Variants in EHHADH observed in about 807,000 individuals in gnomAD.
EHHADH encodes the protein peroxisomal bifunctional enzyme.
EHHADH carries 48 observed loss-of-function variants against 64.4 expected under a neutral mutation model. The ratio of observed to expected loss-of-function variants is 0.75; its 90% CI spans 0.59 to 0.95. The LOEUF (loss-of-function observed/expected upper bound fraction) is 0.95, where lower values mean the gene tolerates loss of function less well. Ranked by LOEUF, EHHADH falls within the 40% of genes least tolerant of loss-of-function variation. The probability of loss-of-function intolerance (pLI) is 0.00; values close to 1 mark genes in which losing one functional copy is unlikely to be tolerated. For synonymous variants in EHHADH, 308 were observed against 326.7 expected, an observed-to-expected ratio of 0.94 and a Z score of 0.62; for missense variants, 854 against 876.6, an observed-to-expected ratio of 0.97 and a Z score of 0.33.
intron 1 of EHHADH, among the ~76,000 whole-genome samples, chr3:185,251,708 G>T (rs1459990160): frequency 1.3e-5 from 2 of 151,766 alleles, no homozygotes; most frequent in African/African-American, 4.8e-5. Flanking sequence ...TTAGAAATAG[G>T]AAGGGGAAAA....
At chr3:185,236,744 CT>C (rs1719306958) in intron 2 of EHHADH, among the ~76,000 whole-genome samples, 2 of 152,080 alleles carry the variant, frequency 1.3e-5, no homozygotes, top group African/African-American at 4.8e-5. Context: ...TTTTCAATTC[CT>C]TTTGGTTCTA....
At position 185,235,370 on chromosome 3, in the gene EHHADH, C is replaced by T. The variant is rs1241176029; in HGVS notation, c.271G>A (p.Val91Met). ...DEIQRNEKPV[V>M]AAIQGMAFGG... ...AAAGCCATGCCTTGGATTGCTGCCA[C>T]CACGGGCTTCTCATTTCTCTGTATT... The change falls in exon 3 of 7, where the codon GTG (valine) becomes ATG (methionine). Residue 91 changes from valine to methionine, a missense_variant. Physicochemically the swap from Val to Met is conservative, Grantham distance 21 (BLOSUM62 1). Coordinates refer to ENST00000231887, the MANE Select transcript of EHHADH (RefSeq NM_001966.4). The T allele has an allele frequency of 8.1e-6, 13 of 1,613,862 alleles. No homozygotes were observed. Among genetic ancestry groups the T allele is most frequent in the African/African-American group, 1.3e-5 (1 of 74,890 alleles).
chr3:185,240,699 C>T (rs1719425055), intron 2 of EHHADH, among the ~76,000 whole-genome samples: 1 of 151,988 alleles, frequency 6.6e-6, no homozygotes, highest in South Asian at 2.1e-4. Context: ...AAATTTTTCT[C>T]TTTTCAAAGA....
chr3:185,208,947 G>A (rs1398355503), intron 5 of EHHADH, among the ~76,000 whole-genome samples: 5 of 152,214 alleles, frequency 3.3e-5, no homozygotes, highest in Admixed American at 3.3e-4. Context: ...CATATTGTAT[G>A]ATGCCATTTA....
chr3:185,225,817 G>C (rs1412335387), intron 4 of EHHADH, among the ~76,000 whole-genome samples: 1 of 152,038 alleles, frequency 6.6e-6, no homozygotes, highest in Non-Finnish European at 1.5e-5. Context: ...CTGTATGTGG[G>C]ATTTCTTCCT....
chr3:185,193,182 A>G lies in EHHADH; in HGVS notation c.1216T>C (p.Leu406=). 6.2e-7 allele frequency: 1 copy of G among 1,613,086 alleles called. No individual in the cohort carries two copies. Among genetic ancestry groups the G allele is most frequent in the Non-Finnish European group, 8.5e-7 (1 of 1,179,686 alleles). Residue 406 remains leucine (L), a synonymous_variant, in exon 7 of 7, where the codon TTG becomes CTG. Transcript: ENST00000231887. ...TCCAGGGCTGAAGTATTAGTGCACA[A>G]AAATGCTTCTGGTTTGCACACAGCT... ...LSAVCKPEAF[L]CTNTSALDVD...
chr3:185,204,795 T>C (rs762520739), intron 5 of EHHADH, 38 bp from the exon 6 acceptor site: 3 of 1,503,770 alleles, frequency 2.0e-6, no homozygotes, highest in Non-Finnish European at 2.7e-6. Flanking sequence ...TTGGAAATGT[T>C]ACTTGTACAA....
intron 5 of EHHADH, among the ~76,000 whole-genome samples, chr3:185,213,459 A>T (rs925918231): frequency 2.6e-5 from 4 of 152,178 alleles, no homozygotes; most frequent in Non-Finnish European, 5.9e-5. Flanking sequence ...AGCTTTCCAT[A>T]ACTATAGATT....
intron 6 of EHHADH, among the ~76,000 whole-genome samples, chr3:185,198,642 A>C (rs2108626164): frequency 6.6e-6 from 1 of 151,610 alleles, no homozygotes; most frequent in East Asian, 2.0e-4. Flanking sequence ...TGAGGCCAGG[A>C]GTTTGAGACC....
intron 5 of EHHADH, among the ~76,000 whole-genome samples, chr3:185,215,415 C>A (rs927344634): frequency 2.0e-5 from 3 of 152,064 alleles, no homozygotes; most frequent in Non-Finnish European, 4.4e-5. Flanking sequence ...AGACTATATA[C>A]TACTGCATGA....
chr3:185,242,483 G>C (rs1366810729), intron 2 of EHHADH, among the ~76,000 whole-genome samples: 1 of 152,178 alleles, frequency 6.6e-6, no homozygotes, highest in East Asian at 1.9e-4. Flanking sequence ...TAGACCAATG[G>C]AACAGAAGAG....
chr3:185,239,103 G>T (rs1719379966), intron 2 of EHHADH, among the ~76,000 whole-genome samples: 1 of 152,022 alleles, frequency 6.6e-6, no homozygotes, highest in Admixed American at 6.6e-5. Flanking sequence ...TAGGTATGCG[G>T]TTTTATTTCT....
intron 5 of EHHADH, among the ~76,000 whole-genome samples, chr3:185,212,689 G>A (rs1374552601): frequency 6.6e-6 from 1 of 152,038 alleles, no homozygotes; most frequent in East Asian, 1.9e-4. Context: ...TTAAGACAGA[G>A]ACAGACTTTG....
At chr3:185,253,924 G>A in intron 1 of EHHADH, 25 bp downstream of exon 1, 1 of 1,613,784 alleles carries the variant, frequency 6.2e-7, no homozygotes, top group Non-Finnish European at 8.5e-7. Flanking sequence ...ACGGTCCCCG[G>A]GCTGGAGGCG....
At position 185,241,114 on chromosome 3, in the gene EHHADH, A is replaced by G. The variant is rs182345883; in HGVS notation, c.179-5652T>C. Among the ~76,000 whole-genome samples, 74 of 152,302 alleles carry G rather than the reference A, an allele frequency of 4.9e-4. No homozygotes were observed. In the East Asian group the frequency reaches 6.4e-3, roughly 13 times the overall value. Reference sequence around the variant, plus strand: ...AGAATAATAGTCTCCAATCTCATCCAGATTGCTGCGAATGCTGTTAATTCA... The same window carrying G: ...AGAATAATAGTCTCCAATCTCATCCGGATTGCTGCGAATGCTGTTAATTCA... On this transcript the variant is annotated intron_variant, in intron 2 of 6. Coordinates refer to ENST00000231887, the MANE Select transcript of EHHADH (RefSeq NM_001966.4).
intron 5 of EHHADH, among the ~76,000 whole-genome samples, chr3:185,213,119 C>CAAAA (rs550233979): frequency 0.43 from 18,455 of 42,906 alleles, 7,267 homozygotes; most frequent in Non-Finnish European, 0.55. Context: ...GACTCTGTCT[C>CAAAA]AAAAAAAAAA....
rs912933845 is a variant in EHHADH at position 185,229,451 on chromosome 3, T to G, written c.444A>C (p.Ala148=). 7 of 1,555,646 alleles carry G rather than the reference T, an allele frequency of 4.5e-6. No homozygotes were observed. Among genetic ancestry groups the G allele is most frequent in the Admixed American group, 1.8e-5 (1 of 56,678 alleles). The stretch of plus-strand genomic sequence containing the variant: ...ACTGACCTGAGGTAATTAAGTCAAG[T>G]GCAGCAGGAACTCCAGTGAGTCTGG... ...LLPRLTGVPA[A]LDLITSGRRI... is the part of the protein sequence containing the mutation. The change falls in exon 4 of 7, where the codon GCA becomes GCC. Residue 148 remains alanine (A), a synonymous_variant. Transcript: ENST00000231887.
intron 2 of EHHADH, among the ~76,000 whole-genome samples, chr3:185,243,824 G>A (rs78873296): frequency 2.0e-3 from 302 of 152,246 alleles, no homozygotes; most frequent in African/African-American, 7.1e-3. Context: ...TGTATTTTGC[G>A]GTTATTGCAT....
At chr3:185,235,145 A>G (rs1477567809) in intron 3 of EHHADH, 145 bp downstream of exon 3, 1 of 714,880 alleles carries the variant, frequency 1.4e-6, no homozygotes, top group Non-Finnish European at 2.1e-6. Context: ...ACACCACTGC[A>G]CTCCAGCCTG....
Sources: allele counts gnomAD v4.1 joint callset (sites outside exome capture counted in the v4.1 genomes callset), GRCh38; gene constraint gnomAD v4.1.1; transcripts MANE v1.5; gene names NCBI Gene and HGNC (gene_info 2026-07-23, HGNC 2026-07-21).